The following PCDH15 variants were observed in gnomAD, a reference collection of about 807,000 sequenced individuals.
PCDH15 encodes protocadherin related 15, also known as protocadherin-15.
A neutral mutation model predicts 178.5 loss-of-function variants in PCDH15; 129 were observed. The observed-to-expected ratio is 0.72, with a 90% confidence interval of 0.63 to 0.84. The LOEUF is 0.84. Among genes scored for constraint, PCDH15 ranks in the 40% least tolerant of loss-of-function variants. PCDH15 has a pLI of 0.00. For missense variants in PCDH15, 2,230 were observed against 2,099.9 expected, an observed-to-expected ratio of 1.06 and a Z score of -1.21; for synonymous variants, 800 against 732.0, an observed-to-expected ratio of 1.09 and a Z score of -1.50.
chr10:55,572,296 GTATA>G (rs2132110999), intron 2 of PCDH15, among the ~76,000 whole-genome samples: 2 of 149,660 alleles, frequency 1.3e-5, no homozygotes, highest in South Asian at 4.2e-4. Flanking sequence ...TTATATTAGA[GTATA>G]TAAAGTATAG....
At chr10:55,580,618 C>T (rs886786637) in intron 2 of PCDH15, among the ~76,000 whole-genome samples, 1 of 152,152 alleles carries the variant, frequency 6.6e-6, no homozygotes, top group Non-Finnish European at 1.5e-5. Flanking sequence ...CCACCTCGGC[C>T]TCCCAAAGTG....
At chr10:55,405,283 G>GATTATATATATATAT (rs1838169669) in intron 2 of PCDH15, among the ~76,000 whole-genome samples, 2 of 108,086 alleles carry the variant, frequency 1.9e-5, no homozygotes, top group South Asian at 5.8e-4. Context: ...TGAGGTAACA[G>GATTATATATATATAT]ATATATATAT....
intron 2 of PCDH15, among the ~76,000 whole-genome samples, chr10:55,091,144 T>C (rs1842308249): frequency 6.6e-6 from 1 of 151,998 alleles, no homozygotes; most frequent in Non-Finnish European, 1.5e-5. Context: ...AGTAAAATTA[T>C]TGAAACATAA....
chr10:54,502,868 G>A (rs2080824656), intron 3 of PCDH15, among the ~76,000 whole-genome samples: 1 of 151,940 alleles, frequency 6.6e-6, no homozygotes, highest in Admixed American at 6.6e-5. Flanking sequence ...TTATGAGATT[G>A]TAAATCTCTT....
At chr10:54,936,967 A>G (rs2131858950) in intron 2 of PCDH15, among the ~76,000 whole-genome samples, 1 of 152,002 alleles carries the variant, frequency 6.6e-6, no homozygotes, top group Non-Finnish European at 1.5e-5. Context: ...TAAGAGTTCT[A>G]TGGTTTTATT....
At chr10:54,290,936 A>T (rs764065898) in intron 8 of PCDH15, among the ~76,000 whole-genome samples, 3 of 152,246 alleles carry the variant, frequency 2.0e-5, no homozygotes, top group Non-Finnish European at 2.9e-5. Context: ...AGACTCCCAC[A>T]CAATAATAAT....
At chr10:55,100,703 C>T (rs1188783721) in intron 2 of PCDH15, among the ~76,000 whole-genome samples, 1 of 152,130 alleles carries the variant, frequency 6.6e-6, no homozygotes, top group Non-Finnish European at 1.5e-5. Flanking sequence ...ATCCCCACTA[C>T]TGCCTTACAG....
intron 14 of PCDH15, among the ~76,000 whole-genome samples, chr10:54,135,156 T>C (rs922348618): frequency 1.3e-4 from 19 of 150,754 alleles, no homozygotes; most frequent in African/African-American, 3.9e-4. Context: ...TGACCCGAGA[T>C]CGTGCCATTG....
chr10:55,623,322 G>T (rs935366767), intron 2 of PCDH15, among the ~76,000 whole-genome samples: 1 of 152,048 alleles, frequency 6.6e-6, no homozygotes, highest in African/African-American at 2.4e-5. Context: ...TGGTTTTTTT[G>T]TTGTTGTTTT....
chr10:54,957,563 T>C (rs1320895329), intron 2 of PCDH15, among the ~76,000 whole-genome samples: 1 of 151,516 alleles, frequency 6.6e-6, no homozygotes, highest in Admixed American at 6.6e-5. Context: ...GTAATTGCAA[T>C]ACACATTTCT....
intron 2 of PCDH15, among the ~76,000 whole-genome samples, chr10:55,567,804 C>T (rs1453850935): frequency 6.6e-6 from 1 of 151,268 alleles, no homozygotes. Flanking sequence ...GTGCCACCCT[C>T]GAAACTTGTT....
chr10:55,191,466 T>G (rs1340677388), intron 1 of PCDH15, among the ~76,000 whole-genome samples: 1 of 151,816 alleles, frequency 6.6e-6, no homozygotes, highest in Non-Finnish European at 1.5e-5. Context: ...CATTTACACT[T>G]GTCTCAGGAA....
chr10:55,067,606 T>C (rs747596650), intron 2 of PCDH15, among the ~76,000 whole-genome samples: 1 of 151,224 alleles, frequency 6.6e-6, no homozygotes, highest in Non-Finnish European at 1.5e-5. Flanking sequence ...AAATACCCAG[T>C]AGCGGAATTG....
rs1166429530 is a variant in PCDH15 at position 54,528,303 on chromosome 10, TTAA to T, written c.92-429_92-427del. On this transcript the variant is annotated intron_variant, in intron 2 of 37. Transcript: ENST00000644397. ...CTAATTAGAGAGAGTGAATAGAATT[TTAA>T]TAATGTTCTAAAGAGAATAAAACAA... The T allele has an allele frequency of 1.1e-5, 14 of 1,309,244 alleles. No homozygotes were observed. The Admixed American group carries it at 2.8e-4, about 26-fold the overall frequency. The allele number at this position is 1,309,244 out of a possible 1,614,324, so 81.1% of individuals were successfully genotyped here. A position where few individuals can be genotyped will look rare whatever the true frequency, so the allele number is the denominator to read the frequency against.
intron 21 of PCDH15, among the ~76,000 whole-genome samples, chr10:53,970,603 G>T (rs1390297096): frequency 6.6e-6 from 1 of 151,872 alleles, no homozygotes; most frequent in East Asian, 1.9e-4. Flanking sequence ...ATGATAAAGG[G>T]GATATTACCA....
At chr10:54,843,503 G>A (rs377270646) in intron 3 of PCDH15, among the ~76,000 whole-genome samples, 3 of 151,868 alleles carry the variant, frequency 2.0e-5, no homozygotes, top group African/African-American at 7.3e-5. Context: ...CTCTCTTACT[G>A]ACTTAACGTT....
At chr10:54,928,308 T>G (rs1329231224) in intron 2 of PCDH15, among the ~76,000 whole-genome samples, 1 of 152,146 alleles carries the variant, frequency 6.6e-6, no homozygotes, top group Non-Finnish European at 1.5e-5. Flanking sequence ...GGTCTGCTAT[T>G]AATTAGTCTG....
At chr10:55,305,683 C>T (rs1843404120) in intron 1 of PCDH15, among the ~76,000 whole-genome samples, 1 of 152,184 alleles carries the variant, frequency 6.6e-6, no homozygotes, top group Admixed American at 6.5e-5. Flanking sequence ...AATTCTTTCC[C>T]TTGCTGTCCA....
At position 55,588,176 on chromosome 10, in the gene PCDH15, C is replaced by A. The variant is rs1370875190; in HGVS notation, c.-156+39449G>T. 2.6e-5 allele frequency among the ~76,000 whole-genome samples: 4 copies of A among 152,154 alleles called. No individual in the cohort carries two copies. In the East Asian group the frequency reaches 7.7e-4, roughly 29 times the overall value. On this transcript the variant is annotated intron_variant, in intron 2 of 5. Transcript: ENST00000613346. Reference sequence around the variant, plus strand: ...GCCTCTGTCACCTTATTAGCAAATGCAAACCTGGGGCTACCTTTTTTGCCT... The same window carrying A: ...GCCTCTGTCACCTTATTAGCAAATGAAAACCTGGGGCTACCTTTTTTGCCT...
Sources: allele counts gnomAD v4.1 joint callset (sites outside exome capture counted in the v4.1 genomes callset), GRCh38; gene constraint gnomAD v4.1.1; transcripts MANE v1.5; gene names NCBI Gene and HGNC (gene_info 2026-07-23, HGNC 2026-07-21).